Variants in NAV2 observed in about 807,000 individuals in gnomAD.
NAV2 encodes helicase, APC down-regulated 1.
A neutral mutation model predicts 223.2 loss-of-function variants in NAV2; 54 were observed. That is an observed-to-expected ratio of 0.24 (90% CI 0.19 to 0.30). NAV2 has a LOEUF of 0.30. Among genes scored for constraint, NAV2 ranks in the 10% least tolerant of loss-of-function variants. The pLI is 1.00. For missense variants in NAV2, 2,806 were observed against 3,147.5 expected (o/e 0.89, Z 2.60); for synonymous variants, 1,279 against 1,239.3 (o/e 1.03, Z -0.67).
intron 1 of NAV2, among the ~76,000 whole-genome samples, chr11:19,488,052 C>T (rs779827984): frequency 6.6e-6 from 1 of 152,162 alleles, no homozygotes; most frequent in Non-Finnish European, 1.5e-5. Context: ...AGTACGTTCC[C>T]CACCTCCTCC....
intron 7 of NAV2, among the ~76,000 whole-genome samples, chr11:19,936,042 T>C (rs63671762): frequency 2.1e-5 from 3 of 140,704 alleles, no homozygotes; most frequent in Non-Finnish European, 3.1e-5. Flanking sequence ...TTTTTTTTTT[T>C]AATTTTAATA....
At position 19,703,325 on chromosome 11, in the gene NAV2, C is replaced by A. The variant is rs145388827; in HGVS notation, c.76-129159C>A. The stretch of plus-strand genomic sequence containing the variant: ...TTCCTGGAGGTCAGACATTGACCAG[C>A]AGCACCTCTTCCATCTGAGGCTCAC... On this transcript the variant is annotated intron_variant, in intron 1 of 37. Transcript: ENST00000360655. Among the ~76,000 whole-genome samples the A allele has an allele frequency of 4.8e-3, 729 of 152,334 alleles. 6 individuals are homozygous for A. The highest frequency in any genetic ancestry group is 0.017 in the African/African-American group (697 of 41,572).
chr11:19,810,903 T>C (rs1304066212), intron 1 of NAV2, among the ~76,000 whole-genome samples: 1 of 152,250 alleles, frequency 6.6e-6, no homozygotes, highest in East Asian at 1.9e-4. Flanking sequence ...TGGCATCTTT[T>C]TATAATATCT....
chr11:20,087,028 C>A (rs1009108077), intron 26 of NAV2, among the ~76,000 whole-genome samples: 9 of 152,106 alleles, frequency 5.9e-5, no homozygotes, highest in Non-Finnish European at 1.2e-4. Flanking sequence ...CGAAGATGAT[C>A]AGAGGGCAAG....
At chr11:19,724,377 G>A (rs1404072883) in intron 1 of NAV2, among the ~76,000 whole-genome samples, 3 of 152,092 alleles carry the variant, frequency 2.0e-5, no homozygotes, top group African/African-American at 7.2e-5. Context: ...TTAAGAGACT[G>A]GGTGTCTCTC....
intron 1 of NAV2, among the ~76,000 whole-genome samples, chr11:19,641,039 C>G (rs1370205651): frequency 3.3e-5 from 5 of 152,172 alleles, no homozygotes; most frequent in Non-Finnish European, 5.9e-5. Context: ...TTTGGAGAGG[C>G]AGAGTTCAGC....
intron 1 of NAV2, among the ~76,000 whole-genome samples, chr11:19,583,924 G>A (rs933220346): frequency 1.9e-4 from 29 of 152,206 alleles, no homozygotes; most frequent in African/African-American, 6.5e-4. Flanking sequence ...CTCTTTTTCT[G>A]TTGATTGGAA....
At chr11:19,397,550 G>T (rs67807274) in intron 1 of NAV2, among the ~76,000 whole-genome samples, 58,944 of 151,952 alleles carry the variant, frequency 0.39, 11,685 homozygotes, top group East Asian at 0.53. Flanking sequence ...AGCTGGGTAG[G>T]GGAGGAGGTA....
intron 3 of NAV2, among the ~76,000 whole-genome samples, chr11:19,858,078 G>A (rs959051491): frequency 2.0e-5 from 3 of 152,074 alleles, no homozygotes; most frequent in East Asian, 3.9e-4. Flanking sequence ...GGATGGTCTC[G>A]ATCTCCTGAC....
chr11:19,811,748 G>T (rs1324374216), intron 1 of NAV2, among the ~76,000 whole-genome samples: 1 of 152,172 alleles, frequency 6.6e-6, no homozygotes, highest in Non-Finnish European at 1.5e-5. Flanking sequence ...TTTTGCTAAA[G>T]TTTTATGCAG....
intron 1 of NAV2, among the ~76,000 whole-genome samples, chr11:19,458,412 C>T (rs529612250): frequency 1.3e-5 from 2 of 152,360 alleles, no homozygotes; most frequent in East Asian, 3.9e-4. Flanking sequence ...GCCTAAGCCA[C>T]ACATTCATGT....
At chr11:19,581,746 T>G (rs2045725848) in intron 1 of NAV2, among the ~76,000 whole-genome samples, 1 of 152,258 alleles carries the variant, frequency 6.6e-6, no homozygotes, top group Non-Finnish European at 1.5e-5. Context: ...GTGCCACATT[T>G]TCTTAATCCA....
chr11:19,851,835 T>G (rs2061155232), intron 3 of NAV2, among the ~76,000 whole-genome samples: 1 of 152,238 alleles, frequency 6.6e-6, no homozygotes, highest in South Asian at 2.1e-4. Context: ...TTAAGGATTT[T>G]GAGATGGGAT....
At chr11:19,834,555 C>CTTTTTTTTTT (rs56112973) in intron 2 of NAV2, among the ~76,000 whole-genome samples, 1 of 147,570 alleles carries the variant, frequency 6.8e-6, no homozygotes, top group African/African-American at 2.5e-5. Flanking sequence ...GAAGGGGTAC[C>CTTTTTTTTTT]TTTTTTTTTT....
At chr11:19,937,219 A>G (rs1210030514) in intron 7 of NAV2, among the ~76,000 whole-genome samples, 1 of 152,170 alleles carries the variant, frequency 6.6e-6, no homozygotes, top group African/African-American at 2.4e-5. Flanking sequence ...AAATCACTTT[A>G]TCTTTATTGT....
At chr11:19,379,671 TG>T (rs1011433220) in intron 1 of NAV2, among the ~76,000 whole-genome samples, 2 of 152,200 alleles carry the variant, frequency 1.3e-5, no homozygotes, top group Admixed American at 1.3e-4. Flanking sequence ...GTTGTGGCTC[TG>T]GTGAGCTGAC....
chr11:19,770,236 G>T (rs1452201789), intron 1 of NAV2, among the ~76,000 whole-genome samples: 1 of 140,980 alleles, frequency 7.1e-6, no homozygotes, highest in African/African-American at 2.7e-5. Context: ...TCTGTGGCAG[G>T]AATTTTTTTT....
chr11:19,724,256 G>A (rs1254886038), intron 1 of NAV2, among the ~76,000 whole-genome samples: 1 of 152,208 alleles, frequency 6.6e-6, no homozygotes, highest in East Asian at 1.9e-4. Flanking sequence ...ATCTCAGTTA[G>A]TAATCAGATG....
intron 1 of NAV2, among the ~76,000 whole-genome samples, chr11:19,400,120 G>A (rs995418152): frequency 1.4e-4 from 21 of 152,274 alleles, no homozygotes; most frequent in Non-Finnish European, 2.2e-4. Flanking sequence ...GGAATGTGTA[G>A]GAAAGTGTGA....
Sources: allele counts gnomAD v4.1 joint callset (sites outside exome capture counted in the v4.1 genomes callset), GRCh38; gene constraint gnomAD v4.1.1; transcripts MANE v1.5; gene names NCBI Gene and HGNC (gene_info 2026-07-23, HGNC 2026-07-21).